The following TCF7L2 variants were observed in gnomAD, a reference collection of about 807,000 sequenced individuals.
The protein encoded by TCF7L2 is transcription factor 7 like 2, also known as transcription factor 7-like 2.
Under a neutral mutation model 77.9 loss-of-function variants are expected in TCF7L2, and 23 were observed. That is an observed-to-expected ratio of 0.30 (90% CI 0.21 to 0.42). The LOEUF (loss-of-function observed/expected upper bound fraction) is 0.42. Among genes scored for constraint, TCF7L2 ranks in the 10% least tolerant of loss-of-function variants. The probability of loss-of-function intolerance (pLI) is 1.00; values close to 1 mark genes in which losing one functional copy is unlikely to be tolerated. For missense variants in TCF7L2, 654 were observed against 793.1 expected (o/e 0.82, Z 2.11); for synonymous variants, 413 against 340.2 (o/e 1.21, Z -2.36).
At chr10:113,149,267 T>G (rs1054494484) in intron 8 of TCF7L2, among the ~76,000 whole-genome samples, 1 of 152,238 alleles carries the variant, frequency 6.6e-6, no homozygotes, top group African/African-American at 2.4e-5. Flanking sequence ...AGGAAGGGGA[T>G]GAAGATGAAG....
intron 5 of TCF7L2, among the ~76,000 whole-genome samples, chr10:113,064,763 A>C (rs2057018440): frequency 6.6e-6 from 1 of 152,252 alleles, no homozygotes; most frequent in Admixed American, 6.5e-5. Context: ...TTTTCTCCAA[A>C]TAAGGCAAGC....
At chr10:113,164,472 C>T (rs2073733950) in intron 13 of TCF7L2, among the ~76,000 whole-genome samples, 1 of 152,108 alleles carries the variant, frequency 6.6e-6, no homozygotes, top group South Asian at 2.1e-4. Flanking sequence ...GCTTGTGCTG[C>T]ACCCTCCATT....
intron 7 of TCF7L2, 85 bp downstream of exon 7, chr10:113,144,110 G>GTC (rs1462901547): frequency 8.2e-5 from 40 of 487,098 alleles, no homozygotes; most frequent in Middle Eastern, 6.5e-4. Context: ...CTGTGTGTGT[G>GTC]TGTGTGTGTG....
At position 113,126,894 on chromosome 10, in the gene TCF7L2, G is replaced by C. The variant is rs1176382795; in HGVS notation, c.553-14290G>C. Reference sequence around the variant, plus strand: ...CCCTCTCTAGATGGTAAGCGCGGCCGGCGGCGGGCGGGCGGGCAGGGGTGC... The same window carrying C: ...CCCTCTCTAGATGGTAAGCGCGGCCCGCGGCGGGCGGGCGGGCAGGGGTGC... On this transcript the variant is annotated intron_variant, in intron 5 of 13. Transcript: ENST00000627217. 5 of 985,414 alleles carry C rather than the reference G, an allele frequency of 5.1e-6. No homozygotes were observed. In the African/African-American group the frequency reaches 8.7e-5, roughly 17 times the overall value. 61.0% of individuals were successfully genotyped at this position (985,414 alleles called of 1,614,324 possible).
intron 4 of TCF7L2, among the ~76,000 whole-genome samples, chr10:112,970,287 A>G (rs3736980): frequency 6.6e-6 from 1 of 151,894 alleles, no homozygotes; most frequent in East Asian, 2.0e-4. Context: ...GATACTGTGC[A>G]GTGGGGGTTA....
intron 4 of TCF7L2, among the ~76,000 whole-genome samples, chr10:112,996,645 C>T (rs1222818265): frequency 6.6e-6 from 1 of 152,158 alleles, no homozygotes; most frequent in Non-Finnish European, 1.5e-5. Flanking sequence ...CTGGAGGGCA[C>T]CTGGGATTTC....
chr10:113,148,832 A>G (rs2070081049), intron 8 of TCF7L2, among the ~76,000 whole-genome samples: 1 of 152,194 alleles, frequency 6.6e-6, no homozygotes, highest in African/African-American at 2.4e-5. Context: ...AGATATGGGA[A>G]TATACGCGTA....
intron 3 of TCF7L2, among the ~76,000 whole-genome samples, chr10:112,956,255 C>T (rs1015322859): frequency 1.3e-5 from 2 of 151,614 alleles, no homozygotes; most frequent in Non-Finnish European, 2.9e-5. Context: ...ATGAGACAAC[C>T]TGGATTTAGC....
intron 11 of TCF7L2, among the ~76,000 whole-genome samples, chr10:113,156,706 G>T (rs2071981086): frequency 6.6e-6 from 1 of 152,196 alleles, no homozygotes; most frequent in African/African-American, 2.4e-5. Context: ...AAGACTCCAT[G>T]CAGTTCATCC....
intron 13 of TCF7L2, 96 bp from the exon 15 acceptor site, chr10:113,165,459 C>T: frequency 1.5e-6 from 2 of 1,365,516 alleles, no homozygotes; most frequent in Non-Finnish European, 2.1e-6. Context: ...GTGGGACATC[C>T]CTTAGGTGAC....
At chr10:113,024,442 A>G (rs1394769099) in intron 4 of TCF7L2, among the ~76,000 whole-genome samples, 1 of 152,196 alleles carries the variant, frequency 6.6e-6, no homozygotes, top group African/African-American at 2.4e-5. Flanking sequence ...AAACTCATAT[A>G]CATCCTATGA....
chr10:113,113,637 C>T (rs2063400166), intron 5 of TCF7L2, among the ~76,000 whole-genome samples: 1 of 152,124 alleles, frequency 6.6e-6, no homozygotes, highest in African/African-American at 2.4e-5. Flanking sequence ...GTTCTCCAAG[C>T]CCCAAAGAAC....
chr10:113,135,023 T>G (rs760214754), intron 5 of TCF7L2, among the ~76,000 whole-genome samples: 8 of 152,152 alleles, frequency 5.3e-5, no homozygotes, highest in Non-Finnish European at 8.8e-5. Context: ...GTCTGTTGAT[T>G]AATAGGTTGC....
chr10:113,131,692 C>G (rs1177365057), intron 5 of TCF7L2, among the ~76,000 whole-genome samples: 3 of 152,168 alleles, frequency 2.0e-5, no homozygotes, highest in African/African-American at 7.2e-5. Flanking sequence ...TCGGCATTTT[C>G]TGGAAGCAGC....
chr10:113,051,203 C>CCACACACACACACA (rs55771704), intron 5 of TCF7L2, among the ~76,000 whole-genome samples: 292 of 140,480 alleles, frequency 2.1e-3, no homozygotes, highest in African/African-American at 7.4e-3. Flanking sequence ...TGCATACACA[C>CCACACACACACACA]CACACACACA....
At chr10:113,007,122 C>T (rs2045689684) in intron 4 of TCF7L2, among the ~76,000 whole-genome samples, 1 of 152,318 alleles carries the variant, frequency 6.6e-6, no homozygotes, top group East Asian at 1.9e-4. Flanking sequence ...AGGCTGTGAG[C>T]CCAAGTTTGT....
intron 4 of TCF7L2, among the ~76,000 whole-genome samples, chr10:112,979,375 C>T (rs1352334171): frequency 6.6e-6 from 1 of 152,218 alleles, no homozygotes; most frequent in Non-Finnish European, 1.5e-5. Flanking sequence ...ATTCCGGGCA[C>T]ATCTTTTATC....
At chr10:113,162,576 A>C (rs926684351) in intron 13 of TCF7L2, among the ~76,000 whole-genome samples, 7 of 152,072 alleles carry the variant, frequency 4.6e-5, no homozygotes, top group African/African-American at 1.4e-4. Context: ...TCTAAAATGC[A>C]TCTTGGAGGG....
chr10:113,040,614 A>G (rs1175100530), intron 5 of TCF7L2, among the ~76,000 whole-genome samples: 1 of 152,228 alleles, frequency 6.6e-6, no homozygotes, highest in East Asian at 1.9e-4. Context: ...GGGCTGGCTG[A>G]CTTGTAAACC....
Sources: gnomAD v4.1 joint callset for allele counts (sites outside exome capture counted in the v4.1 genomes callset) on GRCh38, gnomAD v4.1.1 for gene constraint, MANE v1.5 for transcripts, NCBI Gene and HGNC (gene_info 2026-07-23, HGNC 2026-07-21) for gene names.